LRRC4C: variants seen among roughly 807,000 people sequenced by gnomAD.
LRRC4C encodes the protein leucine-rich repeat-containing protein 4C.
A neutral mutation model predicts 33.6 loss-of-function variants in LRRC4C; 5 were observed. That is an observed-to-expected ratio of 0.15 (90% CI 0.08 to 0.31). The LOEUF (loss-of-function observed/expected upper bound fraction) is 0.31, where lower values mean the gene tolerates loss of function less well. Ranked by LOEUF, LRRC4C falls within the 10% of genes least tolerant of loss-of-function variation. LRRC4C has a pLI of 1.00. For missense variants in LRRC4C, 560 were observed against 796.7 expected (o/e 0.70, Z 3.58); for synonymous variants, 329 against 302.0 (o/e 1.09, Z -0.93).
intron 2 of LRRC4C, among the ~76,000 whole-genome samples, chr11:40,770,315 C>T (rs1330463444): frequency 1.3e-5 from 2 of 152,098 alleles, no homozygotes; most frequent in Non-Finnish European, 2.9e-5. Flanking sequence ...CCTTATAAAA[C>T]CATCAGATCT....
chr11:40,952,211 C>A (rs1958724444), intron 1 of LRRC4C, among the ~76,000 whole-genome samples: 2 of 151,808 alleles, frequency 1.3e-5, no homozygotes, highest in African/African-American at 4.8e-5. Flanking sequence ...AGTTAGTGAG[C>A]CAAAGAAGAG....
intron 2 of LRRC4C, among the ~76,000 whole-genome samples, chr11:40,725,133 T>C (rs951840983): frequency 6.6e-6 from 1 of 152,184 alleles, no homozygotes; most frequent in Admixed American, 6.5e-5. Context: ...CTCCCAAGGT[T>C]GGCAGAGCAG....
At chr11:40,437,179 A>T (rs1423912324) in intron 3 of LRRC4C, among the ~76,000 whole-genome samples, 1 of 152,074 alleles carries the variant, frequency 6.6e-6, no homozygotes, top group East Asian at 1.9e-4. Flanking sequence ...TTATCCAAGG[A>T]TCTTTCCTTT....
intron 1 of LRRC4C, among the ~76,000 whole-genome samples, chr11:41,091,686 T>C (rs867401277): frequency 9.2e-5 from 14 of 152,288 alleles, no homozygotes; most frequent in Middle Eastern, 6.8e-3. Context: ...GACATTCACG[T>C]AATGAGATAT....
intron 3 of LRRC4C, among the ~76,000 whole-genome samples, chr11:40,441,256 C>T (rs1159114791): frequency 6.6e-6 from 1 of 152,146 alleles, no homozygotes; most frequent in Non-Finnish European, 1.5e-5. Context: ...GATATTTGCT[C>T]AACTGCTCTC....
At chr11:40,552,714 G>T (rs1034395755) in intron 3 of LRRC4C, among the ~76,000 whole-genome samples, 1 of 152,084 alleles carries the variant, frequency 6.6e-6, no homozygotes, top group Non-Finnish European at 1.5e-5. Context: ...TAAATAATGG[G>T]TTTTCTAATT....
intron 2 of LRRC4C, among the ~76,000 whole-genome samples, chr11:40,727,669 G>T (rs1024135582): frequency 6.6e-6 from 1 of 152,038 alleles, no homozygotes; most frequent in African/African-American, 2.4e-5. Flanking sequence ...ACAGAGGATC[G>T]ATATCCCGAA....
At chr11:41,399,573 A>T (rs1654296240) in intron 1 of LRRC4C, among the ~76,000 whole-genome samples, 1 of 152,004 alleles carries the variant, frequency 6.6e-6, no homozygotes. Flanking sequence ...ATTCCTCAGC[A>T]TTGCTGTAAC....
At chr11:40,493,289 C>G (rs1954257313) in intron 3 of LRRC4C, among the ~76,000 whole-genome samples, 2 of 152,050 alleles carry the variant, frequency 1.3e-5, no homozygotes, top group East Asian at 1.9e-4. Flanking sequence ...ATTTTTGAGC[C>G]TGTAGATCCA....
chr11:41,453,160 A>G (rs989737795), intron 1 of LRRC4C, among the ~76,000 whole-genome samples: 5 of 152,134 alleles, frequency 3.3e-5, no homozygotes, highest in African/African-American at 1.2e-4. Flanking sequence ...GTCACTTAAG[A>G]TTTAGTGTTA....
chr11:40,704,578 C>T (rs946656825), intron 2 of LRRC4C, among the ~76,000 whole-genome samples: 27 of 152,000 alleles, frequency 1.8e-4, no homozygotes, highest in Admixed American at 1.3e-4. Context: ...GCAAGAAACC[C>T]GGGAAACTAA....
intron 1 of LRRC4C, among the ~76,000 whole-genome samples, chr11:40,956,118 T>G (rs931805933): frequency 7.9e-5 from 12 of 151,742 alleles, no homozygotes; most frequent in Admixed American, 6.6e-5. Context: ...CAGTGAGCAA[T>G]GGAACAACGT....
intron 2 of LRRC4C, among the ~76,000 whole-genome samples, chr11:40,892,556 A>G (rs1364939078): frequency 6.6e-6 from 1 of 152,198 alleles, no homozygotes; most frequent in Non-Finnish European, 1.5e-5. Context: ...CCATCAACAG[A>G]TGAATAAACA....
At chr11:40,662,467 A>G (rs550507280) in intron 2 of LRRC4C, among the ~76,000 whole-genome samples, 34 of 152,280 alleles carry the variant, frequency 2.2e-4, no homozygotes, top group African/African-American at 8.2e-4. Context: ...CTTAAAAAAG[A>G]GTTTGGGCAG....
At chr11:40,813,780 G>A (rs1424291376) in intron 2 of LRRC4C, among the ~76,000 whole-genome samples, 1 of 151,988 alleles carries the variant, frequency 6.6e-6, no homozygotes, top group African/African-American at 2.4e-5. Context: ...GGGAGAAACT[G>A]GCAAAACGAA....
intron 2 of LRRC4C, among the ~76,000 whole-genome samples, chr11:40,728,335 G>A (rs1247538904): frequency 1.3e-5 from 2 of 152,020 alleles, no homozygotes; most frequent in East Asian, 3.9e-4. Context: ...GCCGGGCGCA[G>A]TGGCTCAAGC....
chr11:40,681,020 A>G (rs943265035), intron 2 of LRRC4C, among the ~76,000 whole-genome samples: 3 of 152,292 alleles, frequency 2.0e-5, no homozygotes, highest in East Asian at 3.9e-4. Flanking sequence ...GTGTAATACA[A>G]TCAGATATTG....
chr11:40,653,358 A>T (rs901846940), intron 2 of LRRC4C, among the ~76,000 whole-genome samples: 1 of 152,202 alleles, frequency 6.6e-6, no homozygotes, highest in Admixed American at 6.5e-5. Context: ...AATGAAGACC[A>T]GGTTGAGGTG....
chr11:40,291,727 G>T (rs1478904426), intron 4 of LRRC4C, among the ~76,000 whole-genome samples: 1 of 152,070 alleles, frequency 6.6e-6, no homozygotes, highest in African/African-American at 2.4e-5. Context: ...TCATCGCCTT[G>T]GTTTATTGTC....
Sources: allele counts gnomAD v4.1 joint callset (sites outside exome capture counted in the v4.1 genomes callset), GRCh38; gene constraint gnomAD v4.1.1; transcripts MANE v1.5; gene names NCBI Gene and HGNC (gene_info 2026-07-23, HGNC 2026-07-21).